Variants in ANO1 observed in about 807,000 individuals in gnomAD.
The protein encoded by ANO1 is anoctamin-1.
A neutral mutation model predicts 124.0 loss-of-function variants in ANO1; 59 were observed. That is an observed-to-expected ratio of 0.48 (90% CI 0.39 to 0.59). The LOEUF is 0.59. Among genes scored for constraint, ANO1 ranks in the 20% least tolerant of loss-of-function variants. The pLI is 0.00. For missense variants in ANO1, 1,059 were observed against 1,328.0 expected (o/e 0.80, Z 3.15); for synonymous variants, 529 against 532.0 (o/e 0.99, Z 0.08).
intron 4 of ANO1, among the ~76,000 whole-genome samples, chr11:70,105,183 C>A (rs763901697): frequency 6.6e-6 from 1 of 152,126 alleles, no homozygotes; most frequent in South Asian, 2.1e-4. Context: ...CTGGCCCAGC[C>A]GCCCTCCCCA....
At chr11:70,157,932 G>T (rs2047882473) in intron 16 of ANO1, among the ~76,000 whole-genome samples, 1 of 144,510 alleles carries the variant, frequency 6.9e-6, no homozygotes, top group Non-Finnish European at 1.5e-5. Context: ...GTGAGCTGTG[G>T]TCACGCCACT....
At chr11:69,982,659 T>G (rs1035457324), upstream of ANO1, among the ~76,000 whole-genome samples, 5 of 152,214 alleles carry the variant, frequency 3.3e-5, no homozygotes, top group Non-Finnish European at 1.5e-5. Flanking sequence ...GAGAAGAAGC[T>G]TGTTCCAGAC....
In ANO1 at chr11:70,078,677, C is replaced by T; in HGVS notation, c.71C>T (p.Ala24Val). Residue 24 changes from alanine to valine, a missense_variant, in exon 1 of 26, where the codon GCC becomes GTC. Physicochemically the swap from Ala to Val is moderately conservative, Grantham distance 64. Transcript: ENST00000355303. ...DRSVHIINIC[A>V]IEDIGYLPSE... is the part of the protein sequence containing the mutation. ...AGCGTCCACATCATCAACATCTGCG[C>T]CATCGAGGACATCGGCTACCTGCCG... 1 of 1,494,848 alleles carries T rather than the reference C, an allele frequency of 6.7e-7. No homozygotes were observed. The highest frequency in any genetic ancestry group is 9.0e-7 in the Non-Finnish European group (1 of 1,111,240). The allele number at this position is 1,494,848 out of a possible 1,614,324, so 92.6% of individuals were successfully genotyped here.
chr11:70,138,082 C>T (rs996641749), intron 11 of ANO1, among the ~76,000 whole-genome samples: 1 of 147,580 alleles, frequency 6.8e-6, no homozygotes, highest in South Asian at 2.3e-4. Flanking sequence ...CGGTGGTTCA[C>T]GCCTGTAATC....
intron 21 of ANO1, chr11:70,170,133 G>A (rs1408207982): frequency 8.2e-6 from 3 of 367,178 alleles, no homozygotes; most frequent in Admixed American, 5.7e-5. Context: ...CTGATGCAAG[G>A]GGAAGTTTGG....
At chr11:70,088,451 G>C (rs1255123409) in intron 2 of ANO1, among the ~76,000 whole-genome samples, 1 of 149,558 alleles carries the variant, frequency 6.7e-6, no homozygotes, top group Non-Finnish European at 1.5e-5. Context: ...AGAGGTTGCA[G>C]TGAGCGGACA....
At chr11:70,002,835 C>T (rs1244613746) in intron 1 of ANO1, among the ~76,000 whole-genome samples, 1 of 152,114 alleles carries the variant, frequency 6.6e-6, no homozygotes, top group African/African-American at 2.4e-5. Flanking sequence ...TGATTCTATA[C>T]CCCTAATACC....
intron 1 of ANO1, among the ~76,000 whole-genome samples, chr11:70,069,763 T>A (rs1408319351): frequency 2.0e-5 from 3 of 149,856 alleles, no homozygotes; most frequent in African/African-American, 4.9e-5. Flanking sequence ...TGACTATGTG[T>A]CTTGGAGGAT....
At chr11:70,101,585 C>CAAAAAAAAAAAAAAAAAAAAAAACAA (rs71463659) in intron 2 of ANO1, among the ~76,000 whole-genome samples, 1 of 75,896 alleles carries the variant, frequency 1.3e-5, no homozygotes, top group Non-Finnish European at 2.4e-5. Flanking sequence ...GATTAAAAAC[C>CAAAAAAAAAAAAAAAAAAAAAAACAA]AAAAAAAAAA....
chr11:70,141,867 GAGAC>G (rs1466277568), intron 11 of ANO1, among the ~76,000 whole-genome samples: 1 of 152,186 alleles, frequency 6.6e-6, no homozygotes, highest in African/African-American at 2.4e-5. Flanking sequence ...CAATGGCAAA[GAGAC>G]AGAAACCTGT....
chr11:70,069,249 G>A (rs1312691023), intron 1 of ANO1, among the ~76,000 whole-genome samples: 1 of 152,232 alleles, frequency 6.6e-6, no homozygotes, highest in East Asian at 1.9e-4. Context: ...ACCAGGGAGT[G>A]TGTTCTGCAG....
At chr11:70,028,096 G>A (rs79473041) in intron 1 of ANO1, among the ~76,000 whole-genome samples, 1 of 152,144 alleles carries the variant, frequency 6.6e-6, no homozygotes, top group Non-Finnish European at 1.5e-5. Flanking sequence ...AAATAGATCC[G>A]AATAAGCGCC....
chr11:70,167,080 G>A (rs3781654), intron 20 of ANO1, among the ~76,000 whole-genome samples, 162 bp from the exon 21 acceptor site: 1 of 151,984 alleles, frequency 6.6e-6, no homozygotes, highest in Non-Finnish European at 1.5e-5. Flanking sequence ...CAAGGAGGCA[G>A]AGGTTGCAGT....
At chr11:70,140,028 C>G (rs2047093141) in intron 11 of ANO1, among the ~76,000 whole-genome samples, 1 of 152,112 alleles carries the variant, frequency 6.6e-6, no homozygotes, top group Non-Finnish European at 1.5e-5. Context: ...AGGACTGCCT[C>G]CGTGCCAGGC....
intron 19 of ANO1, 114 bp downstream of exon 19, chr11:70,163,454 GT>G: frequency 7.5e-7 from 1 of 1,329,300 alleles, no homozygotes. Flanking sequence ...AGAGCAGCAG[GT>G]TTCTTTCCTT....
chr11:70,109,081 C>T (rs2045669142), intron 6 of ANO1, among the ~76,000 whole-genome samples: 1 of 152,240 alleles, frequency 6.6e-6, no homozygotes, highest in Non-Finnish European at 1.5e-5. Context: ...CTTTCCTCCC[C>T]TCCTTCTTGA....
chr11:70,087,782 G>A lies in ANO1; in HGVS notation c.139G>A (p.Ala47Thr). 1 of 1,609,328 alleles carries A rather than the reference G, an allele frequency of 6.2e-7. No homozygotes were observed. The highest frequency in any genetic ancestry group is 8.5e-7 in the Non-Finnish European group (1 of 1,177,598). ...GAACTCCTTATCTGTGGACCCTGATGCCGAGTGCAAGTATGGCCTGTACTT... is the reference window on the plus strand; with the variant it reads ...GAACTCCTTATCTGTGGACCCTGATACCGAGTGCAAGTATGGCCTGTACTT... ...LLNSLSVDPDAECKYGLYFRD... is the reference protein window; with the variant it reads ...LLNSLSVDPDTECKYGLYFRD... The change falls in exon 2 of 26, where the codon GCC becomes ACC. Residue 47 changes from alanine to threonine, a missense_variant. Ala to Thr is a moderately conservative substitution (Grantham distance 58, BLOSUM62 0). Coordinates refer to ENST00000355303, the MANE Select transcript of ANO1 (RefSeq NM_018043.7).
At chr11:70,009,927 C>T (rs1856560229) in intron 1 of ANO1, among the ~76,000 whole-genome samples, 1 of 151,872 alleles carries the variant, frequency 6.6e-6, no homozygotes, top group Non-Finnish European at 1.5e-5. Flanking sequence ...CACCCTCCTC[C>T]CACCCTTCCC....
intron 16 of ANO1, among the ~76,000 whole-genome samples, chr11:70,159,362 G>A (rs1008403612): frequency 1.3e-5 from 2 of 152,184 alleles, no homozygotes; most frequent in Non-Finnish European, 2.9e-5. Context: ...CCTCTGCAGG[G>A]AGGCTCAGGA....
Sources: allele counts gnomAD v4.1 joint callset (sites outside exome capture counted in the v4.1 genomes callset), GRCh38; gene constraint gnomAD v4.1.1; transcripts MANE v1.5; gene names NCBI Gene and HGNC (gene_info 2026-07-23, HGNC 2026-07-21).